KCNIP4: variants seen among roughly 807,000 people sequenced by gnomAD.
KCNIP4 encodes the protein Kv channel-interacting protein 4.
In KCNIP4, 12 loss-of-function variants were observed where a neutral mutation model predicts 34.0. That is an observed-to-expected ratio of 0.35 (90% confidence interval 0.23 to 0.57). The LOEUF (loss-of-function observed/expected upper bound fraction) is 0.57. Ranked by LOEUF, KCNIP4 falls within the 20% of genes least tolerant of loss-of-function variation. The probability of loss-of-function intolerance (pLI) is 0.83; values close to 1 mark genes in which losing one functional copy is unlikely to be tolerated. For missense variants in KCNIP4, 238 were observed against 311.7 expected, an observed-to-expected ratio of 0.76 and a Z score of 1.78; for synonymous variants, 124 against 102.2, an observed-to-expected ratio of 1.21 and a Z score of -1.29.
intron 5 of KCNIP4, among the ~76,000 whole-genome samples, chr4:20,740,383 G>T (rs148070373): frequency 1.3e-5 from 2 of 152,250 alleles, no homozygotes; most frequent in East Asian, 1.9e-4. Flanking sequence ...CGGAACTCTC[G>T]GCAGAAACTT....
chr4:21,522,125 A>G (rs370626551), intron 1 of KCNIP4, among the ~76,000 whole-genome samples: 2 of 152,206 alleles, frequency 1.3e-5, no homozygotes, highest in South Asian at 4.1e-4. Context: ...TGTAAAATAC[A>G]AGACTATTTT....
At chr4:21,325,460 T>C (rs1714942066) in intron 1 of KCNIP4, among the ~76,000 whole-genome samples, 1 of 151,914 alleles carries the variant, frequency 6.6e-6, no homozygotes, top group South Asian at 2.1e-4. Flanking sequence ...ATTTTTCATC[T>C]CTGATTTTAT....
At chr4:21,357,581 C>G (rs1257569633) in intron 1 of KCNIP4, among the ~76,000 whole-genome samples, 1 of 152,174 alleles carries the variant, frequency 6.6e-6, no homozygotes, top group Non-Finnish European at 1.5e-5. Flanking sequence ...CTCATCATCA[C>G]TGGTCATCAG....
At chr4:20,743,762 T>G (rs1418803873) in intron 5 of KCNIP4, among the ~76,000 whole-genome samples, 11 of 151,904 alleles carry the variant, frequency 7.2e-5, no homozygotes, top group Admixed American at 7.2e-4. Context: ...AAGCCAAAAT[T>G]GACAAATGGG....
chr4:21,516,500 C>T (rs11946264), intron 1 of KCNIP4, among the ~76,000 whole-genome samples: 49,025 of 152,002 alleles, frequency 0.32, 8,268 homozygotes, highest in South Asian at 0.46. Flanking sequence ...TCTCAAACTC[C>T]CCAAACTAAA....
intron 1 of KCNIP4, among the ~76,000 whole-genome samples, chr4:21,538,300 G>C (rs1439931125): frequency 6.6e-6 from 1 of 152,096 alleles, no homozygotes; most frequent in Non-Finnish European, 1.5e-5. Context: ...CACAGTTTGT[G>C]ATACTTTGTT....
chr4:21,457,018 T>G (rs1010734285), intron 1 of KCNIP4, among the ~76,000 whole-genome samples: 1 of 152,080 alleles, frequency 6.6e-6, no homozygotes, highest in African/African-American at 2.4e-5. Context: ...TGAAAATCTT[T>G]GGTGGCCTTT....
intron 1 of KCNIP4, among the ~76,000 whole-genome samples, chr4:21,353,646 T>C (rs1304371143): frequency 2.0e-5 from 3 of 152,180 alleles, no homozygotes; most frequent in African/African-American, 7.2e-5. Context: ...TATGGGATTA[T>C]GTGAAAAGAC....
At chr4:21,237,300 G>C (rs981585962) in intron 1 of KCNIP4, among the ~76,000 whole-genome samples, 5 of 152,108 alleles carry the variant, frequency 3.3e-5, no homozygotes, top group Admixed American at 6.6e-5. Flanking sequence ...TTTATAACGA[G>C]GGAGATGAAT....
At chr4:21,408,189 C>A (rs1724169192) in intron 1 of KCNIP4, among the ~76,000 whole-genome samples, 1 of 152,082 alleles carries the variant, frequency 6.6e-6, no homozygotes, top group Non-Finnish European at 1.5e-5. Flanking sequence ...CTTCTAGGAG[C>A]AACAAAGTTA....
chr4:21,564,396 C>T (rs963108525), intron 1 of KCNIP4, among the ~76,000 whole-genome samples: 1 of 152,036 alleles, frequency 6.6e-6, no homozygotes, highest in African/African-American at 2.4e-5. Flanking sequence ...AAATATTTAA[C>T]CTAGGTGGAA....
chr4:21,013,526 C>A, intron 1 of KCNIP4, among the ~76,000 whole-genome samples: 1 of 152,142 alleles, frequency 6.6e-6, no homozygotes, highest in East Asian at 1.9e-4. Flanking sequence ...CTTGAAAATG[C>A]CACCAAGCTT....
intron 1 of KCNIP4, among the ~76,000 whole-genome samples, chr4:21,051,353 A>T (rs2108947866): frequency 6.6e-6 from 1 of 152,278 alleles, no homozygotes; most frequent in South Asian, 2.1e-4. Flanking sequence ...GGTATTTGTT[A>T]TATATTTTAT....
intron 1 of KCNIP4, among the ~76,000 whole-genome samples, chr4:21,368,727 T>G (rs554118468): frequency 2.7e-5 from 4 of 147,630 alleles, no homozygotes; most frequent in Middle Eastern, 3.4e-3. Context: ...GAGCCTCATA[T>G]AGTATCAATT....
chr4:21,586,351 G>A (rs1291829354), intron 1 of KCNIP4, among the ~76,000 whole-genome samples: 1 of 151,978 alleles, frequency 6.6e-6, no homozygotes, highest in Non-Finnish European at 1.5e-5. Flanking sequence ...CAGAATATAT[G>A]TGTTGAATAA....
chr4:21,851,143 T>TGC (rs113972083), intron 1 of KCNIP4: 86,261 of 151,246 alleles, frequency 0.57, 25,128 homozygotes, highest in Non-Finnish European at 0.61. Flanking sequence ...GATCCCACCC[T>TGC]AGCAGACAGA....
intron 1 of KCNIP4, among the ~76,000 whole-genome samples, chr4:20,966,739 T>C (rs1324678338): frequency 6.6e-6 from 1 of 152,222 alleles, no homozygotes; most frequent in Non-Finnish European, 1.5e-5. Flanking sequence ...ATTCACAATG[T>C]TTGGGATTCT....
chr4:21,359,621 G>A (rs1191123286), intron 1 of KCNIP4, among the ~76,000 whole-genome samples: 8 of 152,066 alleles, frequency 5.3e-5, no homozygotes, highest in Non-Finnish European at 4.4e-5. Flanking sequence ...AAATAACACT[G>A]AAAATGTTCA....
chr4:20,803,727 G>GAGAGAGGGAGGA (rs1553898990), intron 3 of KCNIP4, among the ~76,000 whole-genome samples: 1 of 91,442 alleles, frequency 1.1e-5, no homozygotes, highest in African/African-American at 3.9e-5. Context: ...GAGAGAGAGA[G>GAGAGAGGGAGGA]AGGAAGGAAG....
Sources: gnomAD v4.1 joint callset for allele counts (sites outside exome capture counted in the v4.1 genomes callset) on GRCh38, gnomAD v4.1.1 for gene constraint, MANE v1.5 for transcripts, NCBI Gene and HGNC (gene_info 2026-07-23, HGNC 2026-07-21) for gene names.